Variants in MTUS2 observed in about 807,000 individuals in gnomAD.
The protein encoded by MTUS2 is microtubule-associated tumor suppressor candidate 2.
Under a neutral mutation model 114.1 loss-of-function variants are expected in MTUS2, and 40 were observed. The ratio of observed to expected loss-of-function variants is 0.35; its 90% CI spans 0.27 to 0.46. MTUS2 has a LOEUF of 0.46. MTUS2 is among the 20% of genes least tolerant of loss of function. The pLI is 1.00. For missense variants in MTUS2, 1,679 were observed against 1,705.4 expected (o/e 0.98, Z 0.27); for synonymous variants, 688 against 672.0 (o/e 1.02, Z -0.37).
chr13:29,380,321 C>T (rs111581535), intron 8 of MTUS2, among the ~76,000 whole-genome samples: 1,668 of 152,338 alleles, frequency 0.011, 26 homozygotes, highest in African/African-American at 0.038. Context: ...AGTGACATTA[C>T]AGAATAGTTT....
intron 2 of MTUS2, among the ~76,000 whole-genome samples, chr13:28,926,582 T>C (rs1186485058): frequency 6.6e-6 from 1 of 152,214 alleles, no homozygotes; most frequent in Non-Finnish European, 1.5e-5. Flanking sequence ...TCATGGGTAC[T>C]GCAGGAGAAA....
chr13:29,252,759 G>A (rs1897165650), intron 5 of MTUS2, among the ~76,000 whole-genome samples: 1 of 152,082 alleles, frequency 6.6e-6, no homozygotes, highest in Admixed American at 6.5e-5. Context: ...TAGTGAATAA[G>A]TCTCACGAGA....
At chr13:29,351,789 T>G (rs1869308480) in intron 7 of MTUS2, among the ~76,000 whole-genome samples, 1 of 151,496 alleles carries the variant, frequency 6.6e-6, no homozygotes, top group Non-Finnish European at 1.5e-5. Context: ...TTTTTTTTTT[T>G]TTTTTTGTAG....
At chr13:29,311,302 C>T (rs1164412802) in intron 6 of MTUS2, among the ~76,000 whole-genome samples, 1 of 152,158 alleles carries the variant, frequency 6.6e-6, no homozygotes, top group Non-Finnish European at 1.5e-5. Context: ...CTCTGGCTGC[C>T]AGTGATCTTC....
At chr13:29,234,100 G>A (rs1294178408) in intron 5 of MTUS2, among the ~76,000 whole-genome samples, 3 of 152,140 alleles carry the variant, frequency 2.0e-5, no homozygotes, top group Non-Finnish European at 4.4e-5. Flanking sequence ...AGGGAAAATA[G>A]CTTCCAGTCC....
chr13:29,142,051 G>A (rs896764627), intron 5 of MTUS2, among the ~76,000 whole-genome samples: 2 of 151,826 alleles, frequency 1.3e-5, no homozygotes, highest in African/African-American at 2.4e-5. Flanking sequence ...TAGTAGATAC[G>A]GGGTTTCACT....
intron 9 of MTUS2, among the ~76,000 whole-genome samples, chr13:29,448,286 A>C (rs890057092): frequency 1.3e-5 from 2 of 152,126 alleles, no homozygotes; most frequent in African/African-American, 4.8e-5. Flanking sequence ...AGGCCTGTTG[A>C]TGTGAATGAA....
chr13:28,898,106 T>C (rs781495485), intron 2 of MTUS2, among the ~76,000 whole-genome samples: 7 of 152,030 alleles, frequency 4.6e-5, no homozygotes, highest in Non-Finnish European at 7.4e-5. Flanking sequence ...CAGTATAAGA[T>C]GTGTTTGATG....
chr13:29,429,797 G>A (rs1179563013), intron 8 of MTUS2, among the ~76,000 whole-genome samples: 2 of 152,154 alleles, frequency 1.3e-5, no homozygotes, highest in Admixed American at 6.5e-5. Flanking sequence ...GATAGCTTGA[G>A]GTATGTGACC....
chr13:29,099,474 A>G (rs1023952419), intron 4 of MTUS2, among the ~76,000 whole-genome samples: 1 of 145,636 alleles, frequency 6.9e-6, no homozygotes, highest in Non-Finnish European at 1.5e-5. Context: ...TTTTCTATGT[A>G]CCATTTAGAC....
intron 2 of MTUS2, among the ~76,000 whole-genome samples, chr13:28,998,117 C>T (rs1483909836): frequency 6.6e-6 from 1 of 150,498 alleles, no homozygotes; most frequent in Non-Finnish European, 1.5e-5. Flanking sequence ...ATTTGCTTTG[C>T]TGTAAAGGAT....
chr13:29,450,160 C>G (rs1013510913), intron 9 of MTUS2, among the ~76,000 whole-genome samples: 13 of 152,116 alleles, frequency 8.5e-5, no homozygotes, highest in Admixed American at 3.3e-4. Context: ...GGGGAAGTGT[C>G]CAGGAACTGC....
intron 9 of MTUS2, among the ~76,000 whole-genome samples, chr13:29,452,687 T>G (rs1308962630): frequency 6.6e-6 from 1 of 151,808 alleles, no homozygotes; most frequent in Non-Finnish European, 1.5e-5. Flanking sequence ...CAAATGATCC[T>G]CCTGCCTCAG....
intron 5 of MTUS2, among the ~76,000 whole-genome samples, chr13:29,124,598 T>C (rs760137797): frequency 6.6e-6 from 1 of 152,186 alleles, no homozygotes; most frequent in Non-Finnish European, 1.5e-5. Flanking sequence ...CCCAAAAATG[T>C]GAAAGCAGGC....
intron 8 of MTUS2, among the ~76,000 whole-genome samples, chr13:29,380,454 C>G (rs1173945374): frequency 6.6e-6 from 1 of 152,202 alleles, no homozygotes; most frequent in African/African-American, 2.4e-5. Context: ...AAGAGGATTC[C>G]TCTGCCCTAC....
At chr13:29,463,813 A>G (rs905200075) in intron 9 of MTUS2, among the ~76,000 whole-genome samples, 1 of 152,214 alleles carries the variant, frequency 6.6e-6, no homozygotes, top group Admixed American at 6.5e-5. Flanking sequence ...AGCCTGGCCA[A>G]CATGGCGAAA....
chr13:28,827,814 T>C (rs1312940930), intron 1 of MTUS2, among the ~76,000 whole-genome samples: 1 of 152,130 alleles, frequency 6.6e-6, no homozygotes, highest in Non-Finnish European at 1.5e-5. Flanking sequence ...GTACGAATAG[T>C]GTGTGGGTCA....
At chr13:29,421,318 A>G (rs1300365071) in intron 8 of MTUS2, among the ~76,000 whole-genome samples, 3 of 152,196 alleles carry the variant, frequency 2.0e-5, no homozygotes, top group Non-Finnish European at 4.4e-5. Context: ...TTTTAGATGC[A>G]TGGAAAAAGG....
At chr13:29,227,417 AC>A (rs1896152983) in intron 5 of MTUS2, among the ~76,000 whole-genome samples, 1 of 152,188 alleles carries the variant, frequency 6.6e-6, no homozygotes, top group Non-Finnish European at 1.5e-5. Flanking sequence ...TGTCTGTAGC[AC>A]CCAGGCAAGT....
Sources: allele counts gnomAD v4.1 joint callset (sites outside exome capture counted in the v4.1 genomes callset), GRCh38; gene constraint gnomAD v4.1.1; transcripts MANE v1.5; gene names NCBI Gene and HGNC (gene_info 2026-07-23, HGNC 2026-07-21).